The following PEX13 variants were observed in gnomAD, a reference collection of about 807,000 sequenced individuals.
The protein encoded by PEX13 is peroxisome biogenesis factor 13.
In PEX13, 28 loss-of-function variants were observed where a neutral mutation model predicts 34.5. The ratio of observed to expected loss-of-function variants is 0.81; its 90% CI spans 0.60 to 1.11. The LOEUF (loss-of-function observed/expected upper bound fraction) is 1.11, where lower values mean the gene tolerates loss of function less well. PEX13 is among the 50% of genes most tolerant of loss of function. PEX13 has a pLI of 0.00. For synonymous variants in PEX13, 177 were observed against 175.1 expected, an observed-to-expected ratio of 1.01 and a Z score of -0.09; for missense variants, 550 against 491.0, an observed-to-expected ratio of 1.12 and a Z score of -1.13.
In PEX13 at chr2:61,031,519, A is replaced by T. The variant is rs886056196; in HGVS notation, c.193A>T (p.Ser65Cys). Residue 65 changes from serine (S) to cysteine (C), a missense_variant, in exon 2 of 4, where the codon AGT becomes TGT. Ser to Cys is a moderately radical substitution (Grantham distance 112). Coordinates refer to ENST00000295030, the MANE Select transcript of PEX13 (RefSeq NM_002618.4). ...ILPRPSQQTG[S>C]SSVNTFRPAY... Reference sequence around the variant, plus strand: ...TCCAAGGCCATCACAGCAGACAGGAAGTAGCAGTGTGAACACTTTTAGACC... The same window carrying T: ...TCCAAGGCCATCACAGCAGACAGGATGTAGCAGTGTGAACACTTTTAGACC... The T allele has an allele frequency of 1.9e-6, 3 of 1,614,042 alleles. No individual in the cohort carries two copies. The highest frequency in any genetic ancestry group is 2.7e-5 in the African/African-American group (2 of 74,936).
At chr2:61,029,295 CCACCT>C (rs1336403697) in intron 1 of PEX13, among the ~76,000 whole-genome samples, 2 of 152,090 alleles carry the variant, frequency 1.3e-5, no homozygotes, top group Non-Finnish European at 2.9e-5. Context: ...CAGTGAAATA[CCACCT>C]CACGCCCACT....
Position 61,046,920 on chromosome 2 carries a change from C to T in PEX13, c.913+1069C>T, listed in dbSNP as rs1573561209. 2.6e-5 allele frequency among the ~76,000 whole-genome samples: 4 copies of T among 152,130 alleles called. No individual in the cohort carries two copies. In the South Asian group the frequency reaches 8.3e-4, roughly 32 times the overall value. The stretch of plus-strand genomic sequence containing the variant: ...AGATTACTAAATCTTTGCCTCATCC[C>T]TTTTACAAAAAACCTAGACTTAAGC... On this transcript the variant is annotated intron_variant, in intron 3 of 3. Coordinates refer to ENST00000295030, the MANE Select transcript of PEX13 (RefSeq NM_002618.4).
chr2:61,039,502 C>T (rs1234743239), intron 2 of PEX13, among the ~76,000 whole-genome samples: 2 of 152,134 alleles, frequency 1.3e-5, no homozygotes, highest in African/African-American at 4.8e-5. Context: ...AAAGGATTCC[C>T]TATTTAATAA....
chr2:61,048,567 AG>A lies in PEX13; in HGVS notation c.1010del (p.Arg337LysfsTer24). 6.2e-7 allele frequency: 1 copy of A among 1,614,192 alleles called. No homozygotes were observed. Among genetic ancestry groups the A allele is most frequent in the African/African-American group, 1.3e-5 (1 of 75,054 alleles). ...GAATTATGTCAAAATTCTTGGCAAAAGAAAAGGTAGGAAAACGGTGGAATCA... is the reference window on the plus strand; with the variant it reads ...GAATTATGTCAAAATTCTTGGCAAAAAAAAGGTAGGAAAACGGTGGAATCA... The part of the protein sequence containing the change: ...PANYVKILGK[R>X]KGRKTVESSK... On this transcript the variant is annotated frameshift_variant, in exon 4 of 4. Coordinates refer to ENST00000295030, the MANE Select transcript of PEX13 (RefSeq NM_002618.4). LOFTEE classifies it high-confidence loss of function.
intron 1 of PEX13, among the ~76,000 whole-genome samples, chr2:61,025,550 G>A (rs182340256): frequency 3.8e-4 from 58 of 152,132 alleles, no homozygotes; most frequent in African/African-American, 1.3e-3. Context: ...GTAGAGACAG[G>A]GTTTCGCCAT....
chr2:61,022,280 G>GA (rs1007626378), intron 1 of PEX13, among the ~76,000 whole-genome samples: 2 of 152,044 alleles, frequency 1.3e-5, no homozygotes, highest in African/African-American at 4.8e-5. Context: ...TAAAAACCTT[G>GA]AAAAAAGGTT....
At chr2:61,019,472 G>A (rs894064312) in intron 1 of PEX13, among the ~76,000 whole-genome samples, 3 of 151,844 alleles carry the variant, frequency 2.0e-5, no homozygotes, top group Non-Finnish European at 4.4e-5. Flanking sequence ...TATGCTTTTT[G>A]TCTTGGTTAA....
At position 61,031,501 on chromosome 2, in the gene PEX13, C is replaced by T; in HGVS notation, c.175C>T (p.Pro59Ser). 2.5e-6 allele frequency: 4 copies of T among 1,614,106 alleles called. No individual in the cohort carries two copies. Among genetic ancestry groups the T allele is most frequent in the Non-Finnish European group, 3.4e-6 (4 of 1,179,972 alleles). The stretch of plus-strand genomic sequence containing the variant: ...AGTGCCCCCACCTATTCTTCCAAGG[C>T]CATCACAGCAGACAGGAAGTAGCAG... ...TRVPPPILPRPSQQTGSSSVN... is the reference protein window; with the variant it reads ...TRVPPPILPRSSQQTGSSSVN... The change falls in exon 2 of 4, where the codon CCA becomes TCA. Residue 59 changes from proline (P) to serine (S), a missense_variant. Coordinates refer to ENST00000295030, the MANE Select transcript of PEX13 (RefSeq NM_002618.4).
chr2:61,019,280 AT>A (rs1453114289), intron 1 of PEX13, among the ~76,000 whole-genome samples: 2 of 151,642 alleles, frequency 1.3e-5, no homozygotes, highest in Non-Finnish European at 2.9e-5. Context: ...CTGTTGCCCA[AT>A]TTTCTATTGG....
rs1680792336 is a variant in PEX13, at chr2:61,051,161, C to T, written c.*2391C>T. On this transcript the variant is annotated 3_prime_UTR_variant, in exon 4 of 4. Transcript: ENST00000295030. ...TATTTATCTTTGGCCAGTTTTCCAA[C>T]ACCCAGGTATTAGCCTTGAAGTTGA... The T allele has an allele frequency of 6.6e-6, 1 of 152,236 alleles. No homozygotes were observed. Among genetic ancestry groups the T allele is most frequent in the Non-Finnish European group, 1.5e-5 (1 of 68,036 alleles). 9.4% of individuals were successfully genotyped at this position (152,236 alleles called of 1,614,324 possible).
intron 1 of PEX13, among the ~76,000 whole-genome samples, chr2:61,020,040 G>C (rs550418754): frequency 6.6e-6 from 1 of 152,114 alleles, no homozygotes; most frequent in Non-Finnish European, 1.5e-5. Context: ...TGGCTAACTC[G>C]GAGAAACCCC....
chr2:61,020,869 G>A (rs1680245380), intron 1 of PEX13, among the ~76,000 whole-genome samples: 1 of 152,054 alleles, frequency 6.6e-6, no homozygotes, highest in Non-Finnish European at 1.5e-5. Flanking sequence ...TGGCCAGGCT[G>A]GTCTTGAACT....
At position 61,044,573 on chromosome 2, in the gene PEX13, A is replaced by G. The variant is rs1386260844; in HGVS notation, c.788-1153A>G. On this transcript the variant is annotated intron_variant, in intron 2 of 3. Coordinates refer to ENST00000295030, the MANE Select transcript of PEX13 (RefSeq NM_002618.4). ...GGCTAATTTTGTATTTTTAGTAGTAATGGAGTTTCTCCATGTTGGTCAGGC... is the reference window on the plus strand; with the variant it reads ...GGCTAATTTTGTATTTTTAGTAGTAGTGGAGTTTCTCCATGTTGGTCAGGC... 3.9e-5 allele frequency among the ~76,000 whole-genome samples: 6 copies of G among 152,120 alleles called. No individual in the cohort carries two copies. The East Asian group carries it at 7.7e-4, about 20-fold the overall frequency.
In PEX13 at chr2:61,031,852, A is replaced by G. The variant is rs772050567; in HGVS notation, c.526A>G (p.Thr176Ala). 2 of 1,610,302 alleles carry G rather than the reference A, an allele frequency of 1.2e-6. No individual in the cohort carries two copies. Among genetic ancestry groups the G allele is most frequent in the Non-Finnish European group, 1.7e-6 (2 of 1,176,462 alleles). ...NHFSRLKIHF[T>A]KVFSAFALVR... ...CTTTTCCCGATTGAAAATACACTTTACAAAAGTGTTTTCAGCTTTTGCATT... is the reference window on the plus strand; with the variant it reads ...CTTTTCCCGATTGAAAATACACTTTGCAAAAGTGTTTTCAGCTTTTGCATT... The change falls in exon 2 of 4, where the codon ACA (threonine) becomes GCA (alanine). Residue 176 changes from threonine (T) to alanine (A), a missense_variant. Physicochemically the swap from Thr to Ala is moderately conservative, Grantham distance 58 (BLOSUM62 0). Transcript: ENST00000295030.
chr2:61,025,253 T>A (rs1680333009), intron 1 of PEX13, among the ~76,000 whole-genome samples: 2 of 152,120 alleles, frequency 1.3e-5, no homozygotes, highest in South Asian at 2.1e-4. Context: ...TAGTTTTTAA[T>A]AGAGACGGGG....
In PEX13 at chr2:61,048,513, G is replaced by C. The variant is rs760129120; in HGVS notation, c.955G>C (p.Asp319His). The change falls in exon 4 of 4, where the codon GAT (aspartate) becomes CAT (histidine). Residue 319 changes from aspartate (D) to histidine (H), a missense_variant. Physicochemically the swap from Asp to His is moderately conservative, Grantham distance 81. Transcript: ENST00000295030. ...GCGTGGTTGGCTTCTGGCTAGCCTT[G>C]ATGGCCAAACAACAGGACTTATACC... ...KVRGWLLASL[D>H]GQTTGLIPAN... 1.2e-6 allele frequency: 2 copies of C among 1,613,944 alleles called. No individual in the cohort carries two copies. Among genetic ancestry groups the C allele is most frequent in the East Asian group, 2.2e-5 (1 of 44,894 alleles).
chr2:61,043,452 G>T (rs1009759847), intron 2 of PEX13, among the ~76,000 whole-genome samples: 5 of 152,044 alleles, frequency 3.3e-5, no homozygotes, highest in Admixed American at 6.6e-5. Context: ...AATAGTCATG[G>T]TTCAACTACA....
intron 2 of PEX13, among the ~76,000 whole-genome samples, chr2:61,038,614 T>TA (rs1164666346): frequency 2.0e-5 from 3 of 152,154 alleles, no homozygotes; most frequent in Admixed American, 6.5e-5. Flanking sequence ...CTCAAAATAA[T>TA]AAAAGGTATT....
chr2:61,018,408 C>A, intron 1 of PEX13: 1 of 1,293,206 alleles, frequency 7.7e-7, no homozygotes, highest in Non-Finnish European at 1.0e-6. Context: ...AGCAGGAGTT[C>A]TAGATCTGAG....
Sources: allele counts gnomAD v4.1 joint callset (sites outside exome capture counted in the v4.1 genomes callset), GRCh38; gene constraint gnomAD v4.1.1; transcripts MANE v1.5; gene names NCBI Gene and HGNC (gene_info 2026-07-23, HGNC 2026-07-21).